Variants in ELF1 observed in about 807,000 individuals in gnomAD.
ELF1 encodes E74 like ETS transcription factor 1.
Under a neutral mutation model 59.9 loss-of-function variants are expected in ELF1, and 24 were observed. The ratio of observed to expected loss-of-function variants is 0.40; its 90% confidence interval spans 0.29 to 0.56. The LOEUF (loss-of-function observed/expected upper bound fraction) is 0.56, where lower values mean the gene tolerates loss of function less well. Among genes scored for constraint, ELF1 ranks in the 20% least tolerant of loss-of-function variants. The pLI, the probability that ELF1 is intolerant of heterozygous loss-of-function variation, is 0.44. For synonymous variants in ELF1, 248 were observed against 266.2 expected, an observed-to-expected ratio of 0.93 and a Z score of 0.67; for missense variants, 627 against 742.2, an observed-to-expected ratio of 0.84 and a Z score of 1.80.
rs750513856 is a variant in ELF1 at position 40,949,807 on chromosome 13, T to A, written c.528A>T (p.Lys176Asn). The A allele has an allele frequency of 3.1e-6, 5 of 1,612,748 alleles. No individual in the cohort carries two copies. Among genetic ancestry groups the A allele is most frequent in the East Asian group, 2.2e-5 (1 of 44,854 alleles). Residue 176 changes from lysine (K) to asparagine (N), a missense_variant and splice_region_variant, in exon 5 of 9, where the codon AAA becomes AAT. Coordinates refer to ENST00000239882, the MANE Select transcript of ELF1 (RefSeq NM_172373.4). ...ASSPEQPKRK[K>N]GRKTKPPRPD... The stretch of plus-strand genomic sequence containing the variant: ...CCCTAAACAAAGTAACCCACCTACC[T>A]TTTTTCCTCTTAGGCTGTTCTGGTG...
At chr13:41,027,566 G>A (rs73176938) in intron 1 of ELF1, among the ~76,000 whole-genome samples, 21,319 of 152,190 alleles carry the variant, frequency 0.14, 1,671 homozygotes, top group Non-Finnish European at 0.19. Flanking sequence ...GGGGTGATCC[G>A]CCAGCTACCT....
intron 2 of ELF1, among the ~76,000 whole-genome samples, chr13:40,962,966 A>T (rs1871937989): frequency 6.6e-6 from 1 of 152,212 alleles, no homozygotes; most frequent in South Asian, 2.1e-4. Flanking sequence ...TTACACACTA[A>T]AATGGGAGAG....
At chr13:41,032,220 CT>C (rs1211033601) in intron 1 of ELF1, among the ~76,000 whole-genome samples, 1,433 of 142,778 alleles carry the variant, frequency 0.01, 19 homozygotes, top group African/African-American at 0.031. Flanking sequence ...TATTTATTTA[CT>C]TTTTTTTTTT....
chr13:41,060,870 C>G, exon 1 of ELF1: 1 of 334,274 alleles, frequency 3.0e-6, no homozygotes, highest in Non-Finnish European at 5.9e-6. Context: ...CCTCCTTCGC[C>G]GCACCTCTCG....
chr13:41,020,702 A>G (rs1273727907), upstream of ELF1, among the ~76,000 whole-genome samples: 1 of 152,208 alleles, frequency 6.6e-6, no homozygotes, highest in Non-Finnish European at 1.5e-5. Context: ...AGCTTACTTT[A>G]GTTCACTTAC....
Position 40,951,330 on chromosome 13 carries a change from T to A in ELF1, c.360A>T (p.Ile120=), listed in dbSNP as rs1221470578. ...ACATAAACAATCATAATCACTCACT[T>A]ATTCGTTTTTCATCCAGCATAGGGC... ...SPGPMLDEKR[I]NNNIFSSPED... Residue 120 remains isoleucine, a splice_region_variant and synonymous_variant, in exon 4 of 9, where the codon ATA becomes ATT. Coordinates refer to ENST00000239882, the MANE Select transcript of ELF1 (RefSeq NM_172373.4). The A allele has an allele frequency of 6.2e-7, 1 of 1,608,418 alleles. No homozygotes were observed. Among genetic ancestry groups the A allele is most frequent in the African/African-American group, 1.3e-5 (1 of 74,892 alleles).
intron 4 of ELF1, 127 bp downstream of exon 4, chr13:40,951,202 T>C (rs1023847951): frequency 8.4e-6 from 6 of 716,898 alleles, no homozygotes; most frequent in Non-Finnish European, 6.3e-6. Flanking sequence ...ATTCCTACTA[T>C]ACCTTAAAAT....
chr13:40,940,271 G>C lies in ELF1; in HGVS notation c.1256+650C>G, dbSNP rs976191116. On this transcript the variant is annotated intron_variant, in intron 8 of 8. Transcript: ENST00000239882. ...CCTTCCTCCCATACTCCCATTCTAA[G>C]TCAGCTGAGACTAGTCCCAAATTTC... is the stretch of plus-strand genomic sequence containing the variant. Among the ~76,000 whole-genome samples, 4 of 142,434 alleles carry C rather than the reference G, an allele frequency of 2.8e-5. No homozygotes were observed. In the Admixed American group the frequency reaches 3.0e-4, roughly 11 times the overall value. 93.4% of individuals were successfully genotyped at this position (142,434 alleles called of 152,430 possible).
chr13:40,986,401 C>G (rs1376330966), intron 1 of ELF1, among the ~76,000 whole-genome samples: 1 of 152,188 alleles, frequency 6.6e-6, no homozygotes, highest in Non-Finnish European at 1.5e-5. Context: ...ACATAACATG[C>G]ACTGAATTAA....
intron 8 of ELF1, 109 bp from the exon 9 acceptor site, chr13:40,934,137 G>T: frequency 7.2e-7 from 1 of 1,392,890 alleles, no homozygotes; most frequent in Non-Finnish European, 9.6e-7. Flanking sequence ...GTTTCAAAAT[G>T]CTGCTTCCCA....
intron 1 of ELF1, among the ~76,000 whole-genome samples, chr13:41,001,722 A>G (rs1276491494): frequency 2.0e-5 from 3 of 152,176 alleles, no homozygotes; most frequent in African/African-American, 4.8e-5. Context: ...TTAAAAATGT[A>G]AAGCCAGATG....
At chr13:41,040,877 GT>G (rs1283074759) in intron 1 of ELF1, among the ~76,000 whole-genome samples, 1 of 152,120 alleles carries the variant, frequency 6.6e-6, no homozygotes, top group Non-Finnish European at 1.5e-5. Context: ...TATTTAAGTA[GT>G]TACTATGAGC....
chr13:40,945,500 G>A (rs1294199299), intron 5 of ELF1, among the ~76,000 whole-genome samples: 1 of 151,458 alleles, frequency 6.6e-6, no homozygotes, highest in African/African-American at 2.4e-5. Context: ...TCTTTTTTTT[G>A]AGTGGGGAGA....
chr13:41,034,377 A>G (rs1258044718), intron 1 of ELF1, among the ~76,000 whole-genome samples: 1 of 152,250 alleles, frequency 6.6e-6, no homozygotes, highest in Non-Finnish European at 1.5e-5. Context: ...CTATGACTGC[A>G]TAAGACGTTA....
chr13:40,969,611 T>C (rs1872401244), intron 2 of ELF1, among the ~76,000 whole-genome samples: 1 of 152,214 alleles, frequency 6.6e-6, no homozygotes, highest in Non-Finnish European at 1.5e-5. Context: ...TTTATATGTG[T>C]GTATGCAAAT....
intron 1 of ELF1, among the ~76,000 whole-genome samples, chr13:41,043,801 A>G (rs1876725833): frequency 6.6e-6 from 1 of 152,172 alleles, no homozygotes; most frequent in South Asian, 2.1e-4. Flanking sequence ...TTTTGGTACC[A>G]TATGAACTTT....
intron 2 of ELF1, among the ~76,000 whole-genome samples, chr13:40,970,370 C>T (rs1036688606): frequency 6.6e-6 from 1 of 152,156 alleles, no homozygotes; most frequent in Admixed American, 6.5e-5. Flanking sequence ...GATTCTAATA[C>T]AGGTCTCCTA....
intron 3 of ELF1, among the ~76,000 whole-genome samples, chr13:40,955,017 G>A (rs1871144183): frequency 6.7e-6 from 1 of 150,310 alleles, no homozygotes; most frequent in Non-Finnish European, 1.5e-5. Flanking sequence ...GTCTCTGCCA[G>A]GCTGCCCATC....
intron 1 of ELF1, among the ~76,000 whole-genome samples, chr13:41,038,990 G>A (rs1246379818): frequency 7.3e-6 from 1 of 136,162 alleles, no homozygotes; most frequent in Non-Finnish European, 1.5e-5. Context: ...TCCAGTCTGG[G>A]TGACAGAGAC....
Sources: gnomAD v4.1 joint callset for allele counts (sites outside exome capture counted in the v4.1 genomes callset) on GRCh38, gnomAD v4.1.1 for gene constraint, MANE v1.5 for transcripts, NCBI Gene and HGNC (gene_info 2026-07-23, HGNC 2026-07-21) for gene names.